Variants in TMTC2 observed in about 807,000 individuals in gnomAD.
The protein encoded by TMTC2 is transmembrane O-mannosyltransferase targeting cadherins 2, also known as protein O-mannosyl-transferase TMTC2.
A neutral mutation model predicts 82.4 loss-of-function variants in TMTC2; 43 were observed. The observed-to-expected ratio is 0.52, with a 90% CI of 0.41 to 0.67. The LOEUF is 0.67. Among genes scored for constraint, TMTC2 ranks in the 30% least tolerant of loss-of-function variants. The pLI, the probability that TMTC2 is intolerant of heterozygous loss-of-function variation, is 0.00. For synonymous variants in TMTC2, 408 were observed against 381.9 expected, an observed-to-expected ratio of 1.07 and a Z score of -0.80; for missense variants, 919 against 1,012.4, an observed-to-expected ratio of 0.91 and a Z score of 1.25.
intron 1 of TMTC2, among the ~76,000 whole-genome samples, chr12:82,720,049 G>T (rs1360663796): frequency 6.6e-6 from 1 of 152,020 alleles, no homozygotes; most frequent in Non-Finnish European, 1.5e-5. Context: ...TGTTTCTTGG[G>T]AGGAGGAACA....
At chr12:82,730,456 T>C (rs1209843145) in intron 1 of TMTC2, among the ~76,000 whole-genome samples, 1 of 152,192 alleles carries the variant, frequency 6.6e-6, no homozygotes, top group African/African-American at 2.4e-5. Context: ...TTGCTAGTTA[T>C]CAGTATGTGC....
At chr12:82,748,550 A>G in intron 1 of TMTC2, among the ~76,000 whole-genome samples, 1 of 151,844 alleles carries the variant, frequency 6.6e-6, no homozygotes, top group East Asian at 2.0e-4. Flanking sequence ...CATAAGAGGT[A>G]CTCCCTAAGC....
chr12:82,776,256 A>C (rs1877590113), intron 1 of TMTC2, among the ~76,000 whole-genome samples: 1 of 152,084 alleles, frequency 6.6e-6, no homozygotes, highest in African/African-American at 2.4e-5. Context: ...GCATGAACTA[A>C]AGAGAGGAAA....
At chr12:83,053,469 A>G (rs1365438509) in intron 10 of TMTC2, among the ~76,000 whole-genome samples, 1 of 152,076 alleles carries the variant, frequency 6.6e-6, no homozygotes, top group Non-Finnish European at 1.5e-5. Flanking sequence ...TTCTTGGCAA[A>G]TTTCCAATGT....
At chr12:82,962,272 T>A (rs1877975946) in intron 4 of TMTC2, among the ~76,000 whole-genome samples, 1 of 152,082 alleles carries the variant, frequency 6.6e-6, no homozygotes, top group East Asian at 1.9e-4. Context: ...AGATATGTGC[T>A]CATTCCCTTC....
intron 2 of TMTC2, among the ~76,000 whole-genome samples, chr12:82,887,609 C>A (rs944326043): frequency 1.1e-4 from 16 of 152,068 alleles, no homozygotes; most frequent in African/African-American, 3.9e-4. Context: ...AACCAGGAAC[C>A]TTATATTGGC....
intron 8 of TMTC2, among the ~76,000 whole-genome samples, chr12:83,020,539 C>T (rs1429818782): frequency 1.3e-5 from 2 of 152,208 alleles, no homozygotes; most frequent in African/African-American, 4.8e-5. Flanking sequence ...CTACTTGCTT[C>T]ACCTTAGCTT....
At chr12:82,997,076 A>G (rs961706021) in intron 8 of TMTC2, among the ~76,000 whole-genome samples, 1 of 149,740 alleles carries the variant, frequency 6.7e-6, no homozygotes, top group Middle Eastern at 3.5e-3. Context: ...ACATTTGCCA[A>G]AGTGGTAATC....
chr12:83,056,992 T>A (rs1882568636), intron 10 of TMTC2, among the ~76,000 whole-genome samples: 2 of 152,064 alleles, frequency 1.3e-5, no homozygotes, highest in South Asian at 4.1e-4. Flanking sequence ...AGAACGTTGA[T>A]TCTTGGACCA....
intron 7 of TMTC2, among the ~76,000 whole-genome samples, chr12:82,970,949 T>A (rs900246173): frequency 1.3e-5 from 2 of 152,176 alleles, no homozygotes; most frequent in Non-Finnish European, 2.9e-5. Flanking sequence ...GTTAGAGTTT[T>A]TTTCTTTTTC....
chr12:83,049,645 T>C (rs1882275821), intron 9 of TMTC2, among the ~76,000 whole-genome samples: 1 of 152,226 alleles, frequency 6.6e-6, no homozygotes, highest in Non-Finnish European at 1.5e-5. Context: ...GTGTCTATGA[T>C]AGAACGATTT....
Position 82,874,427 on chromosome 12 carries a change from A to T in TMTC2, c.654+16847A>T, listed in dbSNP as rs1436224467. Among the ~76,000 whole-genome samples, 3 of 152,228 alleles carry T rather than the reference A, an allele frequency of 2.0e-5. No individual in the cohort carries two copies. The East Asian group carries it at 5.8e-4, about 29-fold the overall frequency. Reference sequence around the variant, plus strand: ...TGCTAAGCCATTTTTGGGTAAAATCATAATTTCGTCTCTTTGAAATAATCT... The same window carrying T: ...TGCTAAGCCATTTTTGGGTAAAATCTTAATTTCGTCTCTTTGAAATAATCT... On this transcript the variant is annotated intron_variant, in intron 2 of 11. Coordinates refer to ENST00000321196, the MANE Select transcript of TMTC2 (RefSeq NM_152588.3).
intron 4 of TMTC2, among the ~76,000 whole-genome samples, chr12:82,959,775 T>A (rs1877820689): frequency 6.6e-6 from 1 of 152,044 alleles, no homozygotes; most frequent in Non-Finnish European, 1.5e-5. Context: ...GGAAAGAATT[T>A]CTGACCAAGT....
In TMTC2 at chr12:83,133,634, C is replaced by T. The variant is rs1381771314; in HGVS notation, c.*1245C>T. On this transcript the variant is annotated 3_prime_UTR_variant, in exon 12 of 12. Coordinates refer to ENST00000321196, the MANE Select transcript of TMTC2 (RefSeq NM_152588.3). The stretch of plus-strand genomic sequence containing the variant: ...GCAAAATTGGTATTTTATTTCATTA[C>T]CTGTTAGTAACTACTTCAATGATCA... 2 of 152,082 alleles carry T rather than the reference C, an allele frequency of 1.3e-5. No individual in the cohort carries two copies. Among genetic ancestry groups the T allele is most frequent in the East Asian group, 1.9e-4 (1 of 5,194 alleles). 9.4% of individuals were successfully genotyped at this position (152,082 alleles called of 1,614,324 possible). A position where few individuals can be genotyped will look rare whatever the true frequency, so the allele number is the denominator to read the frequency against.
chr12:82,919,057 C>G lies in TMTC2; in HGVS notation c.1484-11374C>G, dbSNP rs114645113. Among the ~76,000 whole-genome samples, 1,506 of 152,288 alleles carry G rather than the reference C, an allele frequency of 9.9e-3. 25 individuals carry two copies. The highest frequency in any genetic ancestry group is 0.035 in the African/African-American group (1,444 of 41,568). ...AGGCGTAAGCCACCACACCCAGCCT[C>G]TTTTTTAACAAAACAAAACAACACA... On this transcript the variant is annotated intron_variant, in intron 3 of 11. Transcript: ENST00000321196.
Position 82,801,414 on chromosome 12 carries a change from C to A in TMTC2, c.84-55596C>A, listed in dbSNP as rs372551796. On this transcript the variant is annotated intron_variant, in intron 1 of 11. Coordinates refer to ENST00000321196, the MANE Select transcript of TMTC2 (RefSeq NM_152588.3). ...AAGAGCGAAAGAACAAAGCTTCCAC[C>A]GTGTAGAAGGGGACCCAAGCGGGTT... Among the ~76,000 whole-genome samples the A allele has an allele frequency of 7.2e-5, 11 of 152,130 alleles. No homozygotes were observed. In the South Asian group the frequency reaches 8.3e-4, roughly 12 times the overall value.
At chr12:82,997,157 C>CCTCT (rs750382234) in intron 8 of TMTC2, among the ~76,000 whole-genome samples, 5,686 of 41,214 alleles carry the variant, frequency 0.14, 803 homozygotes, top group African/African-American at 0.31. Context: ...TTGATACTTC[C>CCTCT]CTCTCTCTCT....
intron 1 of TMTC2, among the ~76,000 whole-genome samples, chr12:82,820,946 ACTC>A (rs1190833146): frequency 2.6e-5 from 4 of 151,890 alleles, no homozygotes; most frequent in Non-Finnish European, 2.9e-5. Flanking sequence ...GGCGGAAAGA[ACTC>A]CTAGGCTCAA....
intron 1 of TMTC2, among the ~76,000 whole-genome samples, chr12:82,800,328 G>A (rs145225656): frequency 8.4e-4 from 128 of 152,254 alleles, no homozygotes; most frequent in African/African-American, 2.6e-3. Flanking sequence ...CCAGGCCTGA[G>A]GGAAACATCT....
Sources: gnomAD v4.1 joint callset for allele counts (sites outside exome capture counted in the v4.1 genomes callset) on GRCh38, gnomAD v4.1.1 for gene constraint, MANE v1.5 for transcripts, NCBI Gene and HGNC (gene_info 2026-07-23, HGNC 2026-07-21) for gene names.